F13A1: variants seen among roughly 807,000 people sequenced by gnomAD.
F13A1 encodes coagulation factor XIII A chain.
A neutral mutation model predicts 80.1 loss-of-function variants in F13A1; 47 were observed. That is an observed-to-expected ratio of 0.59 (90% CI 0.46 to 0.75). The LOEUF (loss-of-function observed/expected upper bound fraction) is 0.75, where lower values mean the gene tolerates loss of function less well. Ranked by LOEUF, F13A1 falls within the 30% of genes least tolerant of loss-of-function variation. The probability of loss-of-function intolerance (pLI) is 0.00; values close to 1 mark genes in which losing one functional copy is unlikely to be tolerated. For missense variants in F13A1, 817 were observed against 930.4 expected (o/e 0.88, Z 1.59); for synonymous variants, 349 against 344.9 (o/e 1.01, Z -0.13).
At chr6:6,191,380 T>C (rs1284216637) in intron 10 of F13A1, among the ~76,000 whole-genome samples, 1 of 152,146 alleles carries the variant, frequency 6.6e-6, no homozygotes, top group Non-Finnish European at 1.5e-5. Flanking sequence ...AGTGATCCCC[T>C]TTTTCTATCC....
At chr6:6,149,398 ATGTT>A (rs1760335032) in intron 14 of F13A1, among the ~76,000 whole-genome samples, 2 of 152,358 alleles carry the variant, frequency 1.3e-5, no homozygotes, top group East Asian at 1.9e-4. Flanking sequence ...TACGGACTAA[ATGTT>A]TGTGGTCCTC....
At chr6:6,176,150 G>A (rs1266215085) in intron 11 of F13A1, among the ~76,000 whole-genome samples, 1 of 149,912 alleles carries the variant, frequency 6.7e-6, no homozygotes. Flanking sequence ...AACTAGGCTT[G>A]AGAATGGCTA....
chr6:6,167,532 G>C lies in F13A1; in HGVS notation c.1834C>G (p.Arg612Gly). Residue 612 changes from arginine (R) to glycine (G), a missense_variant, in exon 13 of 15, where the codon CGC becomes GGC. By Grantham distance (125) the Arg-to-Gly change is moderately radical. Transcript: ENST00000264870. Reference sequence around the variant, plus strand: ...AGAACATCCCTGGTCTCATTGATGCGAGCTGTGACAAAGAAGTGCAGGGAC... The same window carrying C: ...AGAACATCCCTGGTCTCATTGATGCCAGCTGTGACAAAGAAGTGCAGGGAC... ...QASLHFFVTA[R>G]INETRDVLAK... 1 of 1,614,024 alleles carries C rather than the reference G, an allele frequency of 6.2e-7. No homozygotes were observed. The highest frequency in any genetic ancestry group is 8.5e-7 in the Non-Finnish European group (1 of 1,179,994).
intron 10 of F13A1, among the ~76,000 whole-genome samples, chr6:6,184,375 T>C (rs1761041165): frequency 6.6e-6 from 1 of 152,108 alleles, no homozygotes; most frequent in Non-Finnish European, 1.5e-5. Flanking sequence ...GCTTGAGTGG[T>C]GAGATGGTTC....
intron 8 of F13A1, among the ~76,000 whole-genome samples, chr6:6,200,396 G>A (rs1761372230): frequency 6.6e-6 from 1 of 151,920 alleles, no homozygotes; most frequent in Non-Finnish European, 1.5e-5. Flanking sequence ...GCGAAACCCT[G>A]TCTCTATTAA....
chr6:6,165,307 C>G (rs1760648135), intron 13 of F13A1, among the ~76,000 whole-genome samples: 2 of 152,286 alleles, frequency 1.3e-5, no homozygotes, highest in South Asian at 4.1e-4. Context: ...CTGATTGTGC[C>G]CTGGGGAATT....
At chr6:6,271,091 T>A (rs1254129857) in intron 3 of F13A1, among the ~76,000 whole-genome samples, 1 of 152,162 alleles carries the variant, frequency 6.6e-6, no homozygotes, top group Non-Finnish European at 1.5e-5. Flanking sequence ...GTGGTGAGAT[T>A]AATTCCAAAG....
intron 8 of F13A1, among the ~76,000 whole-genome samples, chr6:6,205,468 C>A (rs1761469467): frequency 6.6e-6 from 1 of 152,246 alleles, no homozygotes; most frequent in Admixed American, 6.5e-5. Context: ...CTCACATACA[C>A]ACTACAGGAG....
At chr6:6,255,058 T>C (rs1428201254) in intron 4 of F13A1, among the ~76,000 whole-genome samples, 1 of 152,158 alleles carries the variant, frequency 6.6e-6, no homozygotes, top group Admixed American at 6.5e-5. Flanking sequence ...TTTCTCCTTC[T>C]TTAAGTCTCC....
In F13A1 at chr6:6,174,858, T is replaced by C; in HGVS notation, c.1469A>G (p.Glu490Gly). ...GGCAGTTTCTAGGGCCAATCTCTCTTCTTCTTGACCTGGGGGAGATCCAGA... is the reference window on the plus strand; with the variant it reads ...GGCAGTTTCTAGGGCCAATCTCTCTCCTTCTTGACCTGGGGGAGATCCAGA... ...DTYKFQEGQE[E>G]ERLALETALM... Residue 490 changes from glutamate to glycine, a missense_variant, in exon 12 of 15, where the codon GAA (glutamate) becomes GGA (glycine). Physicochemically the swap from Glu to Gly is moderately conservative, Grantham distance 98. Coordinates refer to ENST00000264870, the MANE Select transcript of F13A1 (RefSeq NM_000129.4). 3 of 1,614,172 alleles carry C rather than the reference T, an allele frequency of 1.9e-6. No homozygotes were observed. Among genetic ancestry groups the C allele is most frequent in the Non-Finnish European group, 2.5e-6 (3 of 1,180,028 alleles).
intron 2 of F13A1, among the ~76,000 whole-genome samples, chr6:6,311,223 G>A (rs550714227): frequency 6.6e-6 from 1 of 152,214 alleles, no homozygotes; most frequent in Admixed American, 6.5e-5. Context: ...CACCTTTTAC[G>A]TGAAAATTTG....
At chr6:6,292,901 G>A (rs1447712060) in intron 3 of F13A1, among the ~76,000 whole-genome samples, 1 of 152,120 alleles carries the variant, frequency 6.6e-6, no homozygotes, top group East Asian at 1.9e-4. Flanking sequence ...GAAGAGACTG[G>A]AAAAAGGGAA....
At chr6:6,232,555 A>C (rs1046326576) in intron 6 of F13A1, among the ~76,000 whole-genome samples, 1 of 152,222 alleles carries the variant, frequency 6.6e-6, no homozygotes, top group African/African-American at 2.4e-5. Flanking sequence ...CAAGACAGAA[A>C]GTCAACAAAG....
chr6:6,155,903 C>G (rs1248418658), intron 13 of F13A1, among the ~76,000 whole-genome samples: 1 of 152,180 alleles, frequency 6.6e-6, no homozygotes, highest in African/African-American at 2.4e-5. Context: ...TCTGCATAGT[C>G]ATATTTTCAT....
intron 8 of F13A1, among the ~76,000 whole-genome samples, chr6:6,202,202 C>T (rs987117521): frequency 4.6e-5 from 7 of 150,870 alleles, no homozygotes; most frequent in South Asian, 2.1e-4. Context: ...TTATTCCTTC[C>T]GTACAGACTT....
chr6:6,242,930 T>C (rs1359553598), intron 6 of F13A1, among the ~76,000 whole-genome samples: 1 of 152,212 alleles, frequency 6.6e-6, no homozygotes, highest in Non-Finnish European at 1.5e-5. Context: ...CATCACAGAA[T>C]TTGCCATGCT....
intron 10 of F13A1, among the ~76,000 whole-genome samples, chr6:6,186,063 G>A (rs576973523): frequency 0.036 from 5,400 of 151,074 alleles, 233 homozygotes; most frequent in African/African-American, 0.1. Context: ...ACTTTTTGAT[G>A]GGGTTGTTTG....
intron 6 of F13A1, among the ~76,000 whole-genome samples, chr6:6,228,609 C>A (rs1035730668): frequency 6.6e-6 from 1 of 151,812 alleles, no homozygotes; most frequent in African/African-American, 2.4e-5. Context: ...TGGCACATGC[C>A]TGTAGTCCCC....
chr6:6,264,824 T>C (rs567737184), intron 4 of F13A1, among the ~76,000 whole-genome samples: 2 of 152,360 alleles, frequency 1.3e-5, no homozygotes, highest in Admixed American at 6.5e-5. Flanking sequence ...GAACTGCACA[T>C]GGCCCAGTTA....
Sources: allele counts gnomAD v4.1 joint callset (sites outside exome capture counted in the v4.1 genomes callset), GRCh38; gene constraint gnomAD v4.1.1; transcripts MANE v1.5; gene names NCBI Gene and HGNC (gene_info 2026-07-23, HGNC 2026-07-21).